Variants in SMIM14 observed in about 807,000 individuals in gnomAD.
SMIM14 encodes chromosome 4 open reading frame 34.
A neutral mutation model predicts 12.6 loss-of-function variants in SMIM14; 5 were observed. The observed-to-expected ratio is 0.40, with a 90% CI of 0.21 to 0.83. The LOEUF (loss-of-function observed/expected upper bound fraction) is 0.83. Among genes scored for constraint, SMIM14 ranks in the 40% least tolerant of loss-of-function variants. The probability of loss-of-function intolerance (pLI) is 0.37; values close to 1 mark genes in which losing one functional copy is unlikely to be tolerated. For missense variants in SMIM14, 86 were observed against 119.1 expected (o/e 0.72, Z 1.29); for synonymous variants, 30 against 40.1 (o/e 0.75, Z 0.95).
chr4:39,581,591 C>T (rs1713499317), intron 2 of SMIM14, among the ~76,000 whole-genome samples: 1 of 147,276 alleles, frequency 6.8e-6, no homozygotes, highest in African/African-American at 2.5e-5. Flanking sequence ...TCTAGGCTCA[C>T]TGCAACCTCT....
intron 1 of SMIM14, among the ~76,000 whole-genome samples, chr4:39,627,093 TCTCA>T (rs1248582241): frequency 1.3e-5 from 2 of 152,156 alleles, no homozygotes; most frequent in East Asian, 1.9e-4. Flanking sequence ...GATGGTGCCT[TCTCA>T]CTGTGTCCTA....
intron 3 of SMIM14, among the ~76,000 whole-genome samples, chr4:39,557,272 A>G (rs771559503): frequency 6.6e-6 from 1 of 152,014 alleles, no homozygotes; most frequent in Non-Finnish European, 1.5e-5. Flanking sequence ...TTGGCCTCCC[A>G]AAGGGCTGGG....
In SMIM14 at chr4:39,558,221, C is replaced by T. The variant is rs1024391244; in HGVS notation, c.125-1651G>A. ...AAATAAAAATGGCCAGGTGCACTGGCTCACGCCTGTAATCCCAGCACTTTG... is the reference window on the plus strand; with the variant it reads ...AAATAAAAATGGCCAGGTGCACTGGTTCACGCCTGTAATCCCAGCACTTTG... On this transcript the variant is annotated intron_variant, in intron 3 of 4. Transcript: ENST00000295958. The surrounding 1 kb of genome is among the most constrained non-coding windows in gnomAD (Gnocchi z 4.3). 1.3e-5 allele frequency among the ~76,000 whole-genome samples: 2 copies of T among 152,234 alleles called. No individual in the cohort carries two copies. Among genetic ancestry groups the T allele is most frequent in the Non-Finnish European group, 2.9e-5 (2 of 68,042 alleles).
Position 39,567,143 on chromosome 4 carries a change from GAAAAAAAAAAAAAAA to G in SMIM14, c.124+5257_124+5271del, listed in dbSNP as rs1168446466. Among the ~76,000 whole-genome samples the G allele has an allele frequency of 5.5e-5, 4 of 72,092 alleles. No homozygotes were observed. In the South Asian group the frequency reaches 1.9e-3, roughly 34 times the overall value. The allele number at this position is 72,092 out of a possible 152,430, so 47.3% of individuals were successfully genotyped here. A position where few individuals can be genotyped will look rare whatever the true frequency, so the allele number is the denominator to read the frequency against. On this transcript the variant is annotated intron_variant, in intron 3 of 4. Coordinates refer to ENST00000295958, the MANE Select transcript of SMIM14 (RefSeq NM_174921.3). ...AGAGCAAAACTCCATCTCAAAAAAA[GAAAAAAAAAAAAAAA>G]AAAAAAAAAAAGGAAGCCGCAATGT...
At chr4:39,587,346 A>G (rs533846241) in intron 2 of SMIM14, among the ~76,000 whole-genome samples, 1 of 151,396 alleles carries the variant, frequency 6.6e-6, no homozygotes, top group South Asian at 2.1e-4. Context: ...AATACAAAAA[A>G]ATTAGCCAGG....
intron 2 of SMIM14, among the ~76,000 whole-genome samples, chr4:39,578,910 C>T (rs1480461584): frequency 2.0e-5 from 3 of 149,912 alleles, no homozygotes; most frequent in Non-Finnish European, 3.0e-5. Flanking sequence ...GCAGCAGAAT[C>T]GCTTGAACCT....
chr4:39,600,761 C>G (rs953035841), intron 2 of SMIM14, among the ~76,000 whole-genome samples: 4 of 152,136 alleles, frequency 2.6e-5, no homozygotes, highest in Middle Eastern at 3.4e-3. Context: ...GTCCCAGCTA[C>G]TCGGGAGGCT....
chr4:39,576,660 G>GTGTGCATATATATATATATATATATA, intron 2 of SMIM14, among the ~76,000 whole-genome samples: 2 of 72,378 alleles, frequency 2.8e-5, no homozygotes, highest in East Asian at 9.2e-4. Flanking sequence ...GTGTGTATGT[G>GTGTGCATATATATATATATATATATA]TATATATATA....
At chr4:39,562,168 G>A (rs114484098) in intron 3 of SMIM14, among the ~76,000 whole-genome samples, 2,156 of 150,336 alleles carry the variant, frequency 0.014, 42 homozygotes, top group South Asian at 0.04. Flanking sequence ...GAGCCCAGGC[G>A]TTTGAGACCA....
chr4:39,594,889 A>T (rs1416103144), intron 2 of SMIM14, among the ~76,000 whole-genome samples: 2 of 151,078 alleles, frequency 1.3e-5, no homozygotes, highest in African/African-American at 4.8e-5. Flanking sequence ...GCGATCATTA[A>T]AAAGTCAGGA....
At chr4:39,635,802 T>C (rs1716064721) in intron 1 of SMIM14, among the ~76,000 whole-genome samples, 1 of 152,124 alleles carries the variant, frequency 6.6e-6, no homozygotes. Flanking sequence ...GGACGTTTCC[T>C]TCCATAGCAG....
chr4:39,631,188 C>T lies in SMIM14; in HGVS notation c.-36+7551G>A, dbSNP rs1301837136. ...CCCTATTAAAAATACAAAAATTAGCCGGGCATGGTGGCAGGTGCCTGTAAT... is the reference window on the plus strand; with the variant it reads ...CCCTATTAAAAATACAAAAATTAGCTGGGCATGGTGGCAGGTGCCTGTAAT... On this transcript the variant is annotated intron_variant, in intron 1 of 4. Transcript: ENST00000295958. Among the ~76,000 whole-genome samples, 6 of 151,464 alleles carry T rather than the reference C, an allele frequency of 4.0e-5. No individual in the cohort carries two copies. The South Asian group carries it at 1.0e-3, about 26-fold the overall frequency.
intron 3 of SMIM14, among the ~76,000 whole-genome samples, chr4:39,557,731 C>G (rs934982090): frequency 6.6e-6 from 1 of 152,062 alleles, no homozygotes; most frequent in Non-Finnish European, 1.5e-5. Flanking sequence ...ACCCACAAAG[C>G]CACGAATCCA....
At chr4:39,616,641 TAA>T (rs5857689) in intron 1 of SMIM14, among the ~76,000 whole-genome samples, 8 of 137,226 alleles carry the variant, frequency 5.8e-5, no homozygotes, top group Non-Finnish European at 6.2e-5. Context: ...TCCTTACATT[TAA>T]AAAAAAAAAA....
Position 39,551,940 on chromosome 4 carries a change from T to A in SMIM14, c.*186A>T. The A allele has an allele frequency of 2.3e-6, 1 of 432,292 alleles. No individual in the cohort carries two copies. The highest frequency in any genetic ancestry group is 4.2e-6 in the Non-Finnish European group (1 of 237,962). The allele number at this position is 432,292 out of a possible 1,614,324, so 26.8% of individuals were successfully genotyped here. ...CACTCAAATATACTGTAAATAGGAATGGCAGTAACACAGGAAGCAAAAATA... is the reference window on the plus strand; with the variant it reads ...CACTCAAATATACTGTAAATAGGAAAGGCAGTAACACAGGAAGCAAAAATA... On this transcript the variant is annotated 3_prime_UTR_variant, in exon 5 of 5. Coordinates refer to ENST00000295958, the MANE Select transcript of SMIM14 (RefSeq NM_174921.3).
At chr4:39,631,092 G>A (rs1191969833) in intron 1 of SMIM14, among the ~76,000 whole-genome samples, 1 of 152,100 alleles carries the variant, frequency 6.6e-6, no homozygotes, top group Non-Finnish European at 1.5e-5. Context: ...AGGACTTTGG[G>A]AGGCTGAGGT....
At chr4:39,623,524 C>A (rs1715581116) in intron 1 of SMIM14, among the ~76,000 whole-genome samples, 1 of 152,040 alleles carries the variant, frequency 6.6e-6, no homozygotes, top group East Asian at 1.9e-4. Flanking sequence ...CATAGCCAGC[C>A]AAATCTTCAC....
At chr4:39,623,564 C>G (rs1171316424) in intron 1 of SMIM14, among the ~76,000 whole-genome samples, 1 of 151,996 alleles carries the variant, frequency 6.6e-6, no homozygotes, top group Non-Finnish European at 1.5e-5. Flanking sequence ...ATAATTCTTT[C>G]CATGTTAAAA....
intron 2 of SMIM14, among the ~76,000 whole-genome samples, chr4:39,595,756 G>A (rs570148539): frequency 5.9e-5 from 9 of 151,658 alleles, no homozygotes; most frequent in Non-Finnish European, 8.8e-5. Flanking sequence ...TTACAGGCAC[G>A]CGTCATCACA....
Sources: allele counts gnomAD v4.1 joint callset (sites outside exome capture counted in the v4.1 genomes callset), GRCh38; gene constraint gnomAD v4.1.1; non-coding constraint Gnocchi (gnomAD v3.1); transcripts MANE v1.5; gene names NCBI Gene and HGNC (gene_info 2026-07-23, HGNC 2026-07-21).